CCDC167: variants seen among roughly 807,000 people sequenced by gnomAD.
CCDC167 encodes coiled-coil domain-containing protein 167.
A neutral mutation model predicts 12.7 loss-of-function variants in CCDC167; 15 were observed. The observed-to-expected ratio is 1.18, with a 90% CI of 0.79 to 1.81. The LOEUF is 1.81. CCDC167 is among the 40% of genes most tolerant of loss of function. The pLI is 0.00. For synonymous variants in CCDC167, 52 were observed against 49.0 expected, an observed-to-expected ratio of 1.06 and a Z score of -0.26; for missense variants, 121 against 120.1, an observed-to-expected ratio of 1.01 and a Z score of -0.03.
chr6:37,499,176 G>C (rs1336841442), intron 1 of CCDC167, among the ~76,000 whole-genome samples: 1 of 152,184 alleles, frequency 6.6e-6, no homozygotes, highest in Non-Finnish European at 1.5e-5. Context: ...GGCTTGCAGT[G>C]AGGATTAACA....
At chr6:37,493,462 G>A (rs1762048413) in intron 1 of CCDC167, among the ~76,000 whole-genome samples, 1 of 152,192 alleles carries the variant, frequency 6.6e-6, no homozygotes, top group South Asian at 2.1e-4. Flanking sequence ...CTCCACACAC[G>A]CCGCCATCCA....
intron 3 of CCDC167, among the ~76,000 whole-genome samples, chr6:37,483,774 C>T (rs777586871): frequency 3.3e-5 from 5 of 152,166 alleles, no homozygotes; most frequent in Non-Finnish European, 7.3e-5. Context: ...TGCCCTCTGC[C>T]GGGTGCCTGG....
chr6:37,498,740 G>A (rs568643310), intron 1 of CCDC167, among the ~76,000 whole-genome samples: 31 of 152,084 alleles, frequency 2.0e-4, no homozygotes, highest in African/African-American at 3.9e-4. Context: ...CACGAGAATC[G>A]CTTGAACCCA....
chr6:37,488,323 G>A (rs1761972913), intron 1 of CCDC167, among the ~76,000 whole-genome samples: 1 of 152,172 alleles, frequency 6.6e-6, no homozygotes, highest in Non-Finnish European at 1.5e-5. Flanking sequence ...GGTGGGAGAG[G>A]ACCCAGAAAG....
At chr6:37,487,235 TC>T (rs922813132) in intron 1 of CCDC167, among the ~76,000 whole-genome samples, 7 of 152,208 alleles carry the variant, frequency 4.6e-5, no homozygotes, top group African/African-American at 1.7e-4. Context: ...AACTGCCTGG[TC>T]CCGGCAGAGG....
chr6:37,491,007 T>C lies in CCDC167; in HGVS notation c.43-5813A>G, dbSNP rs149626232. Among the ~76,000 whole-genome samples the C allele has an allele frequency of 7.1e-4, 108 of 152,278 alleles. 3 individuals are homozygous for C. Among genetic ancestry groups the C allele is most frequent in the African/African-American group, 2.5e-3 (103 of 41,552 alleles). The stretch of plus-strand genomic sequence containing the variant: ...GGGGTCCTATATGCCATAAAACCAC[T>C]GTGTTAAGAGAAACTGTAAAATTCG... On this transcript the variant is annotated intron_variant, in intron 1 of 3. Coordinates refer to ENST00000373408, the MANE Select transcript of CCDC167 (RefSeq NM_138493.3).
At chr6:37,498,739 C>T (rs1227534685) in intron 1 of CCDC167, among the ~76,000 whole-genome samples, 1 of 152,014 alleles carries the variant, frequency 6.6e-6, no homozygotes, top group African/African-American at 2.4e-5. Context: ...GCACGAGAAT[C>T]GCTTGAACCC....
At chr6:37,489,253 CAAAA>C (rs747421465) in intron 1 of CCDC167, among the ~76,000 whole-genome samples, 36 of 149,338 alleles carry the variant, frequency 2.4e-4, no homozygotes, top group South Asian at 1.3e-3. Context: ...AACAAACAAA[CAAAA>C]AAAAACAGCA....
chr6:37,492,457 G>A (rs1234754222), intron 1 of CCDC167, among the ~76,000 whole-genome samples: 2 of 152,226 alleles, frequency 1.3e-5, no homozygotes, highest in Non-Finnish European at 2.9e-5. Flanking sequence ...CCCAGCGTCT[G>A]CCCTTACACT....
At chr6:37,489,210 T>C (rs1032021714) in intron 1 of CCDC167, among the ~76,000 whole-genome samples, 1 of 151,416 alleles carries the variant, frequency 6.6e-6, no homozygotes, top group African/African-American at 2.4e-5. Context: ...CACTCCAGCC[T>C]GGGTGACAGA....
chr6:37,484,855 G>A lies in CCDC167; in HGVS notation c.145C>T (p.Leu49=). Residue 49 remains leucine, a synonymous_variant, in exon 3 of 4, where the codon CTG becomes TTG. Transcript: ENST00000373408. ...RELSPEARRS[L]EKEKNSLMNK... is the part of the protein sequence containing the mutation. ...ATTAGGCTGTTTTTCTCCTTCTCCA[G>A]GGACCTCCTGTGAGGGGAAAGGAGC... 1 of 1,614,250 alleles carries A rather than the reference G, an allele frequency of 6.2e-7. No individual in the cohort carries two copies. The highest frequency in any genetic ancestry group is 8.5e-7 in the Non-Finnish European group (1 of 1,180,050).
rs138927956 is a variant in CCDC167, at chr6:37,495,484, G to A, written c.42+4338C>T. On this transcript the variant is annotated intron_variant, in intron 1 of 3. Coordinates refer to ENST00000373408, the MANE Select transcript of CCDC167 (RefSeq NM_138493.3). ...CACAACATTAAAATCAGTACTGGGT[G>A]GGTGATTTCTCATTTGAACTATAAT... 1.8e-3 allele frequency among the ~76,000 whole-genome samples: 275 copies of A among 152,314 alleles called. 1 individual carries two copies. The highest frequency in any genetic ancestry group is 6.2e-3 in the African/African-American group (259 of 41,564).
intron 1 of CCDC167, among the ~76,000 whole-genome samples, chr6:37,486,927 CAA>C (rs959064241): frequency 5.3e-5 from 8 of 151,042 alleles, no homozygotes; most frequent in Non-Finnish European, 8.9e-5. Flanking sequence ...AGATTCCACT[CAA>C]GAGCACAAAT....
At chr6:37,498,887 G>A (rs1271117362) in intron 1 of CCDC167, among the ~76,000 whole-genome samples, 1 of 152,118 alleles carries the variant, frequency 6.6e-6, no homozygotes, top group Admixed American at 6.5e-5. Context: ...ATTACTCGGG[G>A]TGTGGGAAGA....
chr6:37,485,708 C>G (rs1761933866), intron 1 of CCDC167, among the ~76,000 whole-genome samples: 1 of 152,224 alleles, frequency 6.6e-6, no homozygotes, highest in African/African-American at 2.4e-5. Context: ...GTGTTTTTCT[C>G]ATTGACATAC....
At chr6:37,488,203 TG>T (rs1761971561) in intron 1 of CCDC167, among the ~76,000 whole-genome samples, 1 of 152,346 alleles carries the variant, frequency 6.6e-6, no homozygotes, top group Admixed American at 6.5e-5. Context: ...CCAGGGGACC[TG>T]GCTGCAGAGG....
rs137884780 is a variant in CCDC167 at position 37,485,882 on chromosome 6, T to C, written c.43-688A>G. 2.0e-3 allele frequency among the ~76,000 whole-genome samples: 304 copies of C among 152,390 alleles called. 2 individuals carry two copies. Among genetic ancestry groups the C allele is most frequent in the African/African-American group, 6.0e-3 (250 of 41,594 alleles). On this transcript the variant is annotated intron_variant, in intron 1 of 3. Coordinates refer to ENST00000373408, the MANE Select transcript of CCDC167 (RefSeq NM_138493.3). ...AAGGTAGCAAAATAGTTAAGGTATCTGTTTTTTCCATTTGTTTGATTAGAG... is the reference window on the plus strand; with the variant it reads ...AAGGTAGCAAAATAGTTAAGGTATCCGTTTTTTCCATTTGTTTGATTAGAG...
In CCDC167 at chr6:37,485,598, G is replaced by A. The variant is rs150385913; in HGVS notation, c.43-404C>T. Among the ~76,000 whole-genome samples, 508 of 152,368 alleles carry A rather than the reference G, an allele frequency of 3.3e-3. 2 individuals carry two copies. Among genetic ancestry groups the A allele is most frequent in the African/African-American group, 0.012 (482 of 41,594 alleles). ...TGAACACGGCATGCACCTGCCCCAC[G>A]GGCGTATCCTAGAGTGGCGGAGATG... On this transcript the variant is annotated intron_variant, in intron 1 of 3. Coordinates refer to ENST00000373408, the MANE Select transcript of CCDC167 (RefSeq NM_138493.3).
Position 37,485,104 on chromosome 6 carries a change from CCTCTGGG to C in CCDC167, c.126_132del (p.Ser42ArgfsTer13). 6.2e-7 allele frequency: 1 copy of C among 1,611,690 alleles called. No homozygotes were observed. Among genetic ancestry groups the C allele is most frequent in the Non-Finnish European group, 8.5e-7 (1 of 1,179,588 alleles). ...GTGGCTGGGCAGGAGCATTACCTGG[CCTCTGGG>C]CTCAGCTCCCGGCTGTGGAGTCTGG... On this transcript the variant is annotated frameshift_variant, in exon 2 of 4. Transcript: ENST00000373408. LOFTEE classifies it high-confidence loss of function.
Sources: allele counts gnomAD v4.1 joint callset (sites outside exome capture counted in the v4.1 genomes callset), GRCh38; gene constraint gnomAD v4.1.1; transcripts MANE v1.5; gene names NCBI Gene and HGNC (gene_info 2026-07-23, HGNC 2026-07-21).